FNDC1: variants seen among roughly 807,000 people sequenced by gnomAD.
FNDC1 encodes fibronectin type III domain containing 1.
A neutral mutation model predicts 168.0 loss-of-function variants in FNDC1; 96 were observed. The observed-to-expected ratio is 0.57, with a 90% CI of 0.48 to 0.68. FNDC1 has a LOEUF of 0.68. Ranked by LOEUF, FNDC1 falls within the 30% of genes least tolerant of loss-of-function variation. FNDC1 has a pLI of 0.00. For synonymous variants in FNDC1, 1,099 were observed against 1,025.9 expected (o/e 1.07, Z -1.36); for missense variants, 2,587 against 2,482.1 (o/e 1.04, Z -0.90).
In FNDC1 at chr6:159,226,592, A is replaced by C; in HGVS notation, c.1180+12A>C. 1.2e-4 allele frequency: 185 copies of C among 1,564,044 alleles called. No individual in the cohort carries two copies. The highest frequency in any genetic ancestry group is 1.5e-4 in the Non-Finnish European group (170 of 1,145,328). On this transcript the variant is annotated intron_variant, in intron 9 of 22. Transcript: ENST00000297267. ...GGGGAAAGTGAAAGGTAGGAATCTC[A>C]CTCCCTAAACTGTAAGATGCATTGA...
Position 159,232,483 on chromosome 6 carries a change from C to T in FNDC1, c.1971C>T (p.Leu657=), listed in dbSNP as rs1269081856. The change falls in exon 11 of 23, where the codon CTC becomes CTT. Residue 657 remains leucine (L), a synonymous_variant. Coordinates refer to ENST00000297267, the MANE Select transcript of FNDC1 (RefSeq NM_032532.3). The surrounding 1 kb of genome is among the most constrained non-coding windows in gnomAD (Gnocchi z 4.9). Reference sequence around the variant, plus strand: ...AAGATGAGCGCGCTGTGGGCTCCCTCCACCCCAAGGGCGCCTTCGCCCAGC... The same window carrying T: ...AAGATGAGCGCGCTGTGGGCTCCCTTCACCCCAAGGGCGCCTTCGCCCAGC... The part of the protein sequence containing the change: ...SDEDERAVGS[L]HPKGAFAQPR... The T allele has an allele frequency of 6.2e-7, 1 of 1,612,424 alleles. No homozygotes were observed. The highest frequency in any genetic ancestry group is 8.5e-7 in the Non-Finnish European group (1 of 1,179,214).
intron 10 of FNDC1, 38 bp downstream of exon 10, chr6:159,230,041 T>G: frequency 6.4e-7 from 1 of 1,553,318 alleles, no homozygotes; most frequent in Non-Finnish European, 8.8e-7. Context: ...TCTCTCTCTC[T>G]TCATTCCTGC....
intron 4 of FNDC1, among the ~76,000 whole-genome samples, chr6:159,205,788 T>C (rs1185000244): frequency 6.6e-6 from 1 of 152,254 alleles, no homozygotes; most frequent in African/African-American, 2.4e-5. Flanking sequence ...CCATTTGTCA[T>C]ACTGAACAAA....
At chr6:159,193,999 G>A (rs1256434410) in intron 1 of FNDC1, among the ~76,000 whole-genome samples, 1 of 152,186 alleles carries the variant, frequency 6.6e-6, no homozygotes, top group African/African-American at 2.4e-5. Flanking sequence ...TCTGAGTAAA[G>A]TTTACTGGTA....
chr6:159,235,763 G>A (rs1166493444), intron 11 of FNDC1, among the ~76,000 whole-genome samples: 1 of 152,210 alleles, frequency 6.6e-6, no homozygotes, highest in Non-Finnish European at 1.5e-5. Flanking sequence ...TATACTCGGC[G>A]ATTGGTGATT....
intron 5 of FNDC1, among the ~76,000 whole-genome samples, chr6:159,215,845 G>C (rs1037270219): frequency 6.6e-6 from 1 of 152,166 alleles, no homozygotes; most frequent in Non-Finnish European, 1.5e-5. Context: ...AGCTGTGCTG[G>C]CAGTTGATTA....
intron 4 of FNDC1, among the ~76,000 whole-genome samples, chr6:159,211,567 A>T (rs1355132909): frequency 6.8e-6 from 1 of 147,268 alleles, no homozygotes; most frequent in Non-Finnish European, 1.5e-5. Context: ...TCTTTGAAAC[A>T]TTTTTTTTTT....
chr6:159,212,415 T>G (rs1219696061), intron 4 of FNDC1, among the ~76,000 whole-genome samples: 1 of 152,206 alleles, frequency 6.6e-6, no homozygotes, highest in East Asian at 1.9e-4. Flanking sequence ...TTGAACCATA[T>G]GGCTAGTTTT....
chr6:159,192,451 C>T (rs187396482), intron 1 of FNDC1, among the ~76,000 whole-genome samples: 7 of 152,310 alleles, frequency 4.6e-5, no homozygotes, highest in Admixed American at 2.6e-4. Context: ...AACCTTCCTT[C>T]TCTTTATTCT....
chr6:159,170,616 T>C (rs1163444139), intron 1 of FNDC1, among the ~76,000 whole-genome samples: 1 of 152,226 alleles, frequency 6.6e-6, no homozygotes, highest in African/African-American at 2.4e-5. Flanking sequence ...GATCGTCAGA[T>C]ACTATTCCAA....
chr6:159,239,663 A>G lies in FNDC1; in HGVS notation c.4327A>G (p.Thr1443Ala). The G allele has an allele frequency of 6.4e-7, 1 of 1,551,876 alleles. No individual in the cohort carries two copies. The highest frequency in any genetic ancestry group is 8.7e-7 in the Non-Finnish European group (1 of 1,147,138). ...GGTGGGCTTGGAGGTCATCAAAAAA[A>G]CCACCCATCCCCCTACCACTACCAT... ...PLVGLEVIKKTTHPPTTTMQP... is the reference protein window; with the variant it reads ...PLVGLEVIKKATHPPTTTMQP... The change falls in exon 14 of 23, where the codon ACC (threonine) becomes GCC (alanine). Residue 1443 changes from threonine to alanine, a missense_variant. Thr to Ala is a moderately conservative substitution (Grantham distance 58). Coordinates refer to ENST00000297267, the MANE Select transcript of FNDC1 (RefSeq NM_032532.3).
chr6:159,209,968 G>A (rs1193799257), intron 4 of FNDC1, among the ~76,000 whole-genome samples: 1 of 152,160 alleles, frequency 6.6e-6, no homozygotes, highest in Non-Finnish European at 1.5e-5. Flanking sequence ...TCCTCATCAG[G>A]GGTCTTTCCC....
intron 1 of FNDC1, among the ~76,000 whole-genome samples, chr6:159,175,993 G>A (rs953642702): frequency 6.6e-6 from 1 of 152,214 alleles, no homozygotes; most frequent in Admixed American, 6.5e-5. Flanking sequence ...GAGGTGGTGA[G>A]GCTGATGCTC....
At chr6:159,255,050 A>G (rs543427042) in intron 17 of FNDC1, among the ~76,000 whole-genome samples, 25 of 152,222 alleles carry the variant, frequency 1.6e-4, no homozygotes, top group African/African-American at 5.3e-4. Flanking sequence ...CCCACACCCA[A>G]TCCATTCGGC....
intron 14 of FNDC1, chr6:159,243,219 A>T (rs1418074373): frequency 6.6e-6 from 1 of 151,882 alleles, no homozygotes; most frequent in Non-Finnish European, 1.5e-5. Context: ...ATAATAGATG[A>T]TATATATGGA....
In FNDC1 at chr6:159,232,809, C is replaced by G. The variant is rs1783128299; in HGVS notation, c.2297C>G (p.Ser766Cys). ...NAPSRSTMSS[S>C]VSSHLSSRTQ... ...CCATCACGGTCCACCATGTCCTCCT[C>G]CGTCTCTTCTCATCTCTCGTCCAGG... Residue 766 changes from serine to cysteine, a missense_variant, in exon 11 of 23, where the codon TCC becomes TGC. Transcript: ENST00000297267. This position sits in a 1 kb window ranked among gnomAD's most constrained non-coding sequence, Gnocchi z 4.9. 1 of 1,613,898 alleles carries G rather than the reference C, an allele frequency of 6.2e-7. No homozygotes were observed. The highest frequency in any genetic ancestry group is 1.1e-5 in the South Asian group (1 of 91,092).
rs766113964 is a variant in FNDC1, at chr6:159,200,575, G to A, written c.454G>A (p.Val152Ile). 20 of 1,590,736 alleles carry A rather than the reference G, an allele frequency of 1.3e-5. No individual in the cohort carries two copies. The highest frequency in any genetic ancestry group is 8.0e-5 in the South Asian group (7 of 86,976). The change falls in exon 4 of 23, where the codon GTC (valine) becomes ATC (isoleucine). Residue 152 changes from valine to isoleucine, a missense_variant. Transcript: ENST00000297267. The part of the protein sequence containing the change: ...IKGPGPFNET[V>I]TEKEVPNKPL... ...GGGTCCAGGACCATTTAATGAAACC[G>A]TCACAGGTACTACTTCCTCCTTCAT...
chr6:159,246,994 A>G, intron 15 of FNDC1, 25 bp downstream of exon 15: 1 of 1,457,284 alleles, frequency 6.9e-7, no homozygotes, highest in South Asian at 1.1e-5. Context: ...TTGAAAAATT[A>G]TTTGCACACT....
chr6:159,260,208 G>T (rs950661595), intron 18 of FNDC1, among the ~76,000 whole-genome samples: 20 of 152,184 alleles, frequency 1.3e-4, no homozygotes, highest in Admixed American at 7.9e-4. Flanking sequence ...TCTGTAAGTA[G>T]CTAAGCACTA....
Sources: gnomAD v4.1 joint callset for allele counts (sites outside exome capture counted in the v4.1 genomes callset) on GRCh38, gnomAD v4.1.1 for gene constraint, Gnocchi (gnomAD v3.1) non-coding constraint, MANE v1.5 for transcripts, NCBI Gene and HGNC (gene_info 2026-07-23, HGNC 2026-07-21) for gene names.